CUX2: variants seen among roughly 807,000 people sequenced by gnomAD.
CUX2 encodes cut like homeobox 2.
A neutral mutation model predicts 144.8 loss-of-function variants in CUX2; 40 were observed. The observed-to-expected ratio is 0.28, with a 90% CI of 0.21 to 0.36. The LOEUF (loss-of-function observed/expected upper bound fraction) is 0.36. CUX2 is among the 10% of genes least tolerant of loss of function. The pLI, the probability that CUX2 is intolerant of heterozygous loss-of-function variation, is 1.00. For missense variants in CUX2, 1,615 were observed against 1,994.0 expected (o/e 0.81, Z 3.62); for synonymous variants, 827 against 875.6 (o/e 0.94, Z 0.98).
intron 1 of CUX2, among the ~76,000 whole-genome samples, chr12:111,153,197 G>A (rs1877161753): frequency 6.6e-6 from 1 of 152,210 alleles, no homozygotes; most frequent in Non-Finnish European, 1.5e-5. Context: ...TTGGGCGCCT[G>A]CTGAATGCGT....
chr12:111,084,419 C>T (rs752889215), intron 1 of CUX2, among the ~76,000 whole-genome samples: 1 of 152,042 alleles, frequency 6.6e-6, no homozygotes, highest in African/African-American at 2.4e-5. Flanking sequence ...CTCAGTGCAC[C>T]GCTGGAGAAA....
At chr12:111,334,274 A>C (rs1273410406) in intron 18 of CUX2, among the ~76,000 whole-genome samples, 167 bp from the exon 19 acceptor site, 1 of 152,010 alleles carries the variant, frequency 6.6e-6, no homozygotes, top group African/African-American at 2.4e-5. Context: ...TCAAACTTTC[A>C]TCCACTAGTT....
chr12:111,237,771 T>G (rs1008183701), intron 3 of CUX2, among the ~76,000 whole-genome samples: 1 of 152,170 alleles, frequency 6.6e-6, no homozygotes, highest in Non-Finnish European at 1.5e-5. Flanking sequence ...CACCCGTCAT[T>G]GCACTTCTTT....
chr12:111,184,009 T>A (rs1879355387), intron 1 of CUX2, among the ~76,000 whole-genome samples: 1 of 152,144 alleles, frequency 6.6e-6, no homozygotes, highest in Admixed American at 6.5e-5. Flanking sequence ...TCCTCTGCCT[T>A]TTCCCTTTTA....
intron 4 of CUX2, among the ~76,000 whole-genome samples, chr12:111,282,308 C>T (rs1171387805): frequency 6.1e-5 from 8 of 130,372 alleles, no homozygotes; most frequent in African/African-American, 1.7e-4. Flanking sequence ...GGCGACAGAG[C>T]GAAACCCCAT....
chr12:111,258,335 A>G (rs1883938276), intron 3 of CUX2, among the ~76,000 whole-genome samples: 1 of 152,210 alleles, frequency 6.6e-6, no homozygotes, highest in Non-Finnish European at 1.5e-5. Context: ...CAACATGGTG[A>G]AACCCCGTCT....
intron 1 of CUX2, among the ~76,000 whole-genome samples, chr12:111,204,651 G>A (rs913656921): frequency 1.3e-4 from 20 of 152,160 alleles, no homozygotes; most frequent in African/African-American, 3.6e-4. Context: ...TGCAGGTACC[G>A]TGCATCAGAT....
In CUX2 at chr12:111,129,976, T is replaced by C. The variant is rs146890978; in HGVS notation, c.64-84224T>C. ...GACCTCTATAAGCCCCTACTCTGAC[T>C]GGAGGGCTACGGTGACATTTTGGGT... On this transcript the variant is annotated intron_variant, in intron 1 of 21. Coordinates refer to ENST00000261726, the MANE Select transcript of CUX2 (RefSeq NM_015267.4). Among the ~76,000 whole-genome samples the C allele has an allele frequency of 3.3e-5, 5 of 152,320 alleles. No homozygotes were observed. In the East Asian group the frequency reaches 9.6e-4, roughly 29 times the overall value.
intron 2 of CUX2, among the ~76,000 whole-genome samples, chr12:111,217,019 G>A (rs1409492194): frequency 6.6e-6 from 1 of 152,202 alleles, no homozygotes; most frequent in Admixed American, 6.5e-5. Flanking sequence ...CACACCAGCA[G>A]ATCTCACAGG....
At chr12:111,316,168 T>C (rs1277013339) in intron 16 of CUX2, among the ~76,000 whole-genome samples, 2 of 144,190 alleles carry the variant, frequency 1.4e-5, no homozygotes, top group Non-Finnish European at 3.0e-5. Flanking sequence ...TGAGACAGAG[T>C]TGTGCTCTTG....
rs1886475270 is a variant in CUX2, at chr12:111,304,457, G to T, written c.858+143G>T. On this transcript the variant is annotated intron_variant, in intron 10 of 21. Coordinates refer to ENST00000261726, the MANE Select transcript of CUX2 (RefSeq NM_015267.4). The surrounding 1 kb of genome is among the most constrained non-coding windows in gnomAD (Gnocchi z 4.7). ...AAACTGGGAGTGTGAATGTGTGTGGGTCTCTGTGCATACGGTGAGCATAAT... is the reference window on the plus strand; with the variant it reads ...AAACTGGGAGTGTGAATGTGTGTGGTTCTCTGTGCATACGGTGAGCATAAT... 1.5e-6 allele frequency: 1 copy of T among 670,858 alleles called. No individual in the cohort carries two copies. The highest frequency in any genetic ancestry group is 2.7e-6 in the Non-Finnish European group (1 of 375,984). The allele number at this position is 670,858 out of a possible 1,614,324, so 41.6% of individuals were successfully genotyped here.
chr12:111,330,741 ATATAT>A (rs1888086534), intron 18 of CUX2, among the ~76,000 whole-genome samples: 1 of 105,616 alleles, frequency 9.5e-6, no homozygotes, highest in Non-Finnish European at 2.1e-5. Context: ...ATATATATAT[ATATAT>A]ATATAAAGAG....
chr12:111,108,072 CT>C (rs1188633626), intron 1 of CUX2, among the ~76,000 whole-genome samples: 5 of 152,190 alleles, frequency 3.3e-5, no homozygotes, highest in Non-Finnish European at 7.3e-5. Context: ...TCCAACAGTT[CT>C]TCAGTCTTCT....
chr12:111,341,809 AGCACCG>A lies in CUX2; in HGVS notation c.3418_3423del (p.Thr1140_Gly1141del). The A allele has an allele frequency of 1.2e-6, 2 of 1,609,924 alleles. No homozygotes were observed. The highest frequency in any genetic ancestry group is 1.7e-6 in the Non-Finnish European group (2 of 1,179,024). On this transcript the variant is annotated inframe_deletion, in exon 21 of 22. Coordinates refer to ENST00000261726, the MANE Select transcript of CUX2 (RefSeq NM_015267.4). ...CCTGAAACGTCGCTATGGCCTCATC[AGCACCG>A]GCTCAGACAGTGAGTCCCCGGCCAC...
intron 1 of CUX2, among the ~76,000 whole-genome samples, chr12:111,187,848 G>T (rs950463206): frequency 6.6e-6 from 1 of 152,210 alleles, no homozygotes; most frequent in South Asian, 2.1e-4. Context: ...CTGAGAATGG[G>T]CCTGGAGTGC....
At chr12:111,154,444 T>A (rs896002309) in intron 1 of CUX2, among the ~76,000 whole-genome samples, 2 of 152,144 alleles carry the variant, frequency 1.3e-5, no homozygotes, top group Non-Finnish European at 2.9e-5. Context: ...ATCAGAGCCT[T>A]CTTTTCCTCC....
intron 1 of CUX2, among the ~76,000 whole-genome samples, chr12:111,041,046 T>G (rs1389442544): frequency 6.6e-6 from 1 of 152,154 alleles, no homozygotes; most frequent in Non-Finnish European, 1.5e-5. Flanking sequence ...ACCCTTTCCC[T>G]CCAGAGAGAA....
At position 111,319,928 on chromosome 12, in the gene CUX2, A is replaced by G. The variant is rs753619703; in HGVS notation, c.2003-84A>G. ...GAGGTTGCCTGGACACCGTGCTGGC[A>G]TCAACAGGGATGCTGTGAACATCGT... is the stretch of plus-strand genomic sequence containing the variant. On this transcript the variant is annotated intron_variant, in intron 16 of 21. Coordinates refer to ENST00000261726, the MANE Select transcript of CUX2 (RefSeq NM_015267.4). 715 of 1,400,902 alleles carry G rather than the reference A, an allele frequency of 5.1e-4. 3 individuals carry two copies. Among genetic ancestry groups the G allele is most frequent in the Non-Finnish European group, 6.5e-4 (703 of 1,083,816 alleles). 86.8% of individuals were successfully genotyped at this position (1,400,902 alleles called of 1,614,324 possible).
chr12:111,095,367 G>A (rs1294070276), intron 1 of CUX2, among the ~76,000 whole-genome samples: 1 of 152,176 alleles, frequency 6.6e-6, no homozygotes, highest in Non-Finnish European at 1.5e-5. Flanking sequence ...GCTGAGGTGG[G>A]AGGATTGCCT....
Sources: allele counts gnomAD v4.1 joint callset (sites outside exome capture counted in the v4.1 genomes callset), GRCh38; gene constraint gnomAD v4.1.1; non-coding constraint Gnocchi (gnomAD v3.1); transcripts MANE v1.5; gene names NCBI Gene and HGNC (gene_info 2026-07-23, HGNC 2026-07-21).